NEK7: variants seen among roughly 807,000 people sequenced by gnomAD.
NEK7 encodes NIMA related kinase 7, also known as serine/threonine-protein kinase Nek7.
NEK7 carries 18 observed loss-of-function variants against 44.6 expected under a neutral mutation model. That is an observed-to-expected ratio of 0.40 (90% confidence interval 0.28 to 0.60). The LOEUF (loss-of-function observed/expected upper bound fraction) is 0.60. Among genes scored for constraint, NEK7 ranks in the 20% least tolerant of loss-of-function variants. The pLI, the probability that NEK7 is intolerant of heterozygous loss-of-function variation, is 0.38. For synonymous variants in NEK7, 130 were observed against 121.1 expected (o/e 1.07, Z -0.48); for missense variants, 256 against 366.5 (o/e 0.70, Z 2.46).
chr1:198,179,848 C>T (rs967433929), intron 1 of NEK7, among the ~76,000 whole-genome samples: 6 of 151,860 alleles, frequency 4.0e-5, no homozygotes, highest in African/African-American at 7.3e-5. Flanking sequence ...TGTGCAGACA[C>T]GTGTGTGTAA....
intron 5 of NEK7, chr1:198,277,743 TAC>T (rs551420551): frequency 1.0e-4 from 47 of 451,774 alleles, no homozygotes; most frequent in African/African-American, 8.8e-4. Context: ...AAGGTACTGT[TAC>T]ACAGTTTCCG....
chr1:198,298,306 T>A (rs982191440), intron 9 of NEK7, among the ~76,000 whole-genome samples: 4 of 152,194 alleles, frequency 2.6e-5, no homozygotes, highest in African/African-American at 9.7e-5. Flanking sequence ...GAAATTTGAG[T>A]TCGTGTAACT....
intron 3 of NEK7, 96 bp downstream of exon 3, chr1:198,253,276 T>G: frequency 1.3e-6 from 1 of 767,430 alleles, no homozygotes; most frequent in Non-Finnish European, 2.0e-6. Context: ...ACTGATAGCC[T>G]TAAGTTGAGA....
intron 1 of NEK7, among the ~76,000 whole-genome samples, chr1:198,210,980 C>T (rs991682588): frequency 1.3e-5 from 2 of 151,784 alleles, no homozygotes; most frequent in Admixed American, 6.6e-5. Flanking sequence ...TCTCGATCTC[C>T]TGACCTCGTG....
chr1:198,318,586 A>C (rs1391131757), intron 9 of NEK7, among the ~76,000 whole-genome samples: 3 of 152,204 alleles, frequency 2.0e-5, no homozygotes, highest in South Asian at 2.1e-4. Context: ...CCTACAAAGC[A>C]AAAGAATATA....
At chr1:198,225,973 A>G (rs56317050) in intron 1 of NEK7, among the ~76,000 whole-genome samples, 30,112 of 152,064 alleles carry the variant, frequency 0.2, 3,558 homozygotes, top group African/African-American at 0.31. Flanking sequence ...GCATTCATTC[A>G]TTAAATAAAT....
At chr1:198,217,862 A>G (rs970066990) in intron 1 of NEK7, among the ~76,000 whole-genome samples, 1 of 150,984 alleles carries the variant, frequency 6.6e-6, no homozygotes, top group Non-Finnish European at 1.5e-5. Flanking sequence ...AAAAAGCCCC[A>G]AGCCTAGGAA....
At position 198,305,492 on chromosome 1, in the gene NEK7, G is replaced by GA. The variant is rs926893387; in HGVS notation, c.798+8262dup. Among the ~76,000 whole-genome samples, 705 of 148,306 alleles carry GA rather than the reference G, an allele frequency of 4.8e-3. 9 individuals carry two copies. The highest frequency in any genetic ancestry group is 0.016 in the African/African-American group (661 of 40,558). On this transcript the variant is annotated intron_variant, in intron 9 of 9. Coordinates refer to ENST00000367385, the MANE Select transcript of NEK7 (RefSeq NM_133494.3). ...TCTCATTTTGATTATTTGATATCTGGAAAAAAAAAACTTAGAGGTATTTCT... is the reference window on the plus strand; with the variant it reads ...TCTCATTTTGATTATTTGATATCTGGAAAAAAAAAAACTTAGAGGTATTTCT...
chr1:198,163,166 A>T (rs1664159599), intron 1 of NEK7, among the ~76,000 whole-genome samples: 1 of 152,130 alleles, frequency 6.6e-6, no homozygotes, highest in African/African-American at 2.4e-5. Flanking sequence ...CTAATCTTGT[A>T]TTGCCTTTAT....
At chr1:198,223,659 A>G (rs1666132718) in intron 1 of NEK7, among the ~76,000 whole-genome samples, 1 of 152,214 alleles carries the variant, frequency 6.6e-6, no homozygotes, top group South Asian at 2.1e-4. Context: ...CAAACTGCCT[A>G]TCCTTTAAAG....
intron 2 of NEK7, among the ~76,000 whole-genome samples, chr1:198,247,040 A>G (rs1666852690): frequency 6.6e-6 from 1 of 152,232 alleles, no homozygotes; most frequent in Non-Finnish European, 1.5e-5. Context: ...TCCATTGGCT[A>G]TATCTGAGAA....
At chr1:198,218,719 A>G (rs548723420) in intron 1 of NEK7, among the ~76,000 whole-genome samples, 8 of 146,400 alleles carry the variant, frequency 5.5e-5, no homozygotes, top group African/African-American at 1.5e-4. Context: ...CAAGAAAAAA[A>G]TCCAATTAAA....
At chr1:198,295,633 T>C (rs1654692468) in intron 8 of NEK7, among the ~76,000 whole-genome samples, 1 of 151,894 alleles carries the variant, frequency 6.6e-6, no homozygotes, top group Non-Finnish European at 1.5e-5. Flanking sequence ...TTTTTTTTTT[T>C]TTTAACACTC....
intron 1 of NEK7, among the ~76,000 whole-genome samples, chr1:198,170,618 A>C (rs970295414): frequency 6.6e-5 from 10 of 152,218 alleles, no homozygotes; most frequent in Admixed American, 1.3e-4. Flanking sequence ...CTCATGGAGA[A>C]AATGTTGCAC....
intron 8 of NEK7, among the ~76,000 whole-genome samples, chr1:198,293,328 A>G (rs1002892332): frequency 6.6e-5 from 10 of 151,940 alleles, no homozygotes; most frequent in Non-Finnish European, 1.0e-4. Flanking sequence ...GTAAAAATAT[A>G]CGTTTGAACA....
At chr1:198,230,969 A>T (rs915691271) in intron 1 of NEK7, among the ~76,000 whole-genome samples, 45 of 152,040 alleles carry the variant, frequency 3.0e-4, no homozygotes, top group African/African-American at 1.1e-3. Context: ...TTAAGATGTC[A>T]ATTCTCCCCA....
intron 9 of NEK7, among the ~76,000 whole-genome samples, chr1:198,314,723 G>A (rs1031233870): frequency 6.6e-6 from 1 of 152,186 alleles, no homozygotes; most frequent in African/African-American, 2.4e-5. Flanking sequence ...CTGCAGGGGG[G>A]TGCCTCCCAG....
intron 9 of NEK7, among the ~76,000 whole-genome samples, chr1:198,301,815 G>C: frequency 6.6e-6 from 1 of 152,160 alleles, no homozygotes; most frequent in East Asian, 1.9e-4. Flanking sequence ...TAATAAAGTA[G>C]ACTATTATTA....
In NEK7 at chr1:198,221,558, G is replaced by A. The variant is rs1042276302; in HGVS notation, c.-28-10995G>A. ...CATTAAAAAAACTTTTATATTACAC[G>A]TTTTAAAACTATATAATTGGCCAAG... On this transcript the variant is annotated intron_variant, in intron 1 of 9. Coordinates refer to ENST00000367385, the MANE Select transcript of NEK7 (RefSeq NM_133494.3). Among the ~76,000 whole-genome samples the A allele has an allele frequency of 5.3e-5, 8 of 150,990 alleles. No individual in the cohort carries two copies. In the South Asian group the frequency reaches 1.0e-3, roughly 20 times the overall value.
Sources: gnomAD v4.1 joint callset for allele counts (sites outside exome capture counted in the v4.1 genomes callset) on GRCh38, gnomAD v4.1.1 for gene constraint, MANE v1.5 for transcripts, NCBI Gene and HGNC (gene_info 2026-07-23, HGNC 2026-07-21) for gene names.